SAMD5: variants seen among roughly 807,000 people sequenced by gnomAD.
The protein encoded by SAMD5 is sterile alpha motif domain-containing protein 5.
SAMD5 carries 13 observed loss-of-function variants against 11.3 expected under a neutral mutation model. The observed-to-expected ratio is 1.15, with a 90% CI of 0.75 to 1.83. The LOEUF is 1.83. SAMD5 is among the 40% of genes most tolerant of loss of function. The pLI is 0.00. For missense variants in SAMD5, 255 were observed against 239.1 expected (o/e 1.07, Z -0.44); for synonymous variants, 129 against 111.3 (o/e 1.16, Z -1.00).
chr6:147,947,662 G>T, the SAMD5 span: 1 of 152,140 alleles, frequency 6.6e-6, no homozygotes, highest in Non-Finnish European at 1.5e-5. Flanking sequence ...GTTCAATCTT[G>T]TTCAGATTTT....
rs34624038 is a variant in SAMD5, at chr6:147,730,074, C to CAAAAA, written c.163-7229_163-7225dup. On this transcript the variant is annotated intron_variant, in intron 1 of 1. Coordinates refer to the SAMD5 transcript ENST00000566741. ...TACTCCAGCCTGGGTGACTCTGTCT[C>CAAAAA]AAAAAAAAAAAAAAAAAAGAAAAGA... 3.6e-3 allele frequency: 1,111 copies of CAAAAA among 306,714 alleles called. 1 individual carries two copies. The highest frequency in any genetic ancestry group is 5.7e-3 in the South Asian group (234 of 41,292). 19.0% of individuals were successfully genotyped at this position (306,714 alleles called of 1,614,324 possible).
At chr6:147,858,135 T>C in the SAMD5 span, among the ~76,000 whole-genome samples, 12 of 152,164 alleles carry the variant, frequency 7.9e-5, no homozygotes, top group Admixed American at 7.2e-4. Context: ...TAATCAAGTT[T>C]TGGAGGGGAT....
rs844568 is a variant in SAMD5, at chr6:147,591,295, G to A, written c.162+81908G>A. Among the ~76,000 whole-genome samples, 5 of 151,816 alleles carry A rather than the reference G, an allele frequency of 3.3e-5. No individual in the cohort carries two copies. The East Asian group carries it at 9.7e-4, about 30-fold the overall frequency. On this transcript the variant is annotated intron_variant, in intron 1 of 1. Transcript: ENST00000566741. ...TTCAGTGTATAACTCAAAAGAGGTGGAACTCCAGTGGCATATAAAGCTGCT... is the reference window on the plus strand; with the variant it reads ...TTCAGTGTATAACTCAAAAGAGGTGAAACTCCAGTGGCATATAAAGCTGCT...
Position 147,569,120 on chromosome 6 carries a change from C to T in SAMD5, c.*4664C>T, listed in dbSNP as rs1417565757. The stretch of plus-strand genomic sequence containing the variant: ...TGGTGTGCGCCTGTAATCCCAGCTA[C>T]TAAGGCAGGAGAATGGCTTGAACCC... On this transcript the variant is annotated 3_prime_UTR_variant, in exon 2 of 2. Transcript: ENST00000367474. The T allele has an allele frequency of 5.8e-6, 1 of 172,432 alleles. No homozygotes were observed. Among genetic ancestry groups the T allele is most frequent in the African/African-American group, 2.4e-5 (1 of 41,534 alleles). The allele number at this position is 172,432 out of a possible 1,614,324, so 10.7% of individuals were successfully genotyped here.
intron 1 of SAMD5, among the ~76,000 whole-genome samples, chr6:147,577,795 C>A (rs1046394405): frequency 4.6e-5 from 7 of 151,546 alleles, no homozygotes; most frequent in African/African-American, 1.7e-4. Flanking sequence ...AGGAAAATAG[C>A]CAGGTTTTAT....
At chr6:147,781,776 A>G in the SAMD5 span, among the ~76,000 whole-genome samples, 1,704 of 56,724 alleles carry the variant, frequency 0.03, 32 homozygotes, top group African/African-American at 0.14. Context: ...GTGTGCGCAC[A>G]CACACACACA....
the SAMD5 span, among the ~76,000 whole-genome samples, chr6:147,829,696 A>G: frequency 6.6e-6 from 1 of 152,086 alleles, no homozygotes; most frequent in Non-Finnish European, 1.5e-5. Context: ...AGCTCTTTCC[A>G]GGTGTTCTCC....
chr6:147,555,480 C>T (rs779994370), intron 1 of SAMD5, among the ~76,000 whole-genome samples: 8 of 152,186 alleles, frequency 5.3e-5, no homozygotes, highest in Admixed American at 5.2e-4. Context: ...TTTCAGAAAA[C>T]TTATACTTGC....
At chr6:147,730,182 G>C (rs1202087006) in intron 1 of SAMD5, 2 of 410,124 alleles carry the variant, frequency 4.9e-6, no homozygotes, top group African/African-American at 4.2e-5. Flanking sequence ...AGAGCCTTGG[G>C]GGCATGCCTT....
intron 1 of SAMD5, among the ~76,000 whole-genome samples, chr6:147,727,889 G>A (rs899635756): frequency 1.1e-4 from 16 of 152,180 alleles, no homozygotes; most frequent in African/African-American, 3.9e-4. Flanking sequence ...CATATAATAG[G>A]GAATCAATGC....
At chr6:147,540,739 A>T (rs1337876288) in intron 1 of SAMD5, among the ~76,000 whole-genome samples, 2 of 151,464 alleles carry the variant, frequency 1.3e-5, no homozygotes, top group Non-Finnish European at 1.5e-5. Context: ...GCAGAGAGAC[A>T]AGTAGTGACA....
chr6:147,782,309 C>T, the SAMD5 span, among the ~76,000 whole-genome samples: 1 of 152,170 alleles, frequency 6.6e-6, no homozygotes, highest in East Asian at 1.9e-4. Context: ...GTATTTCATG[C>T]TTAAAAGTTG....
chr6:147,829,405 T>G, the SAMD5 span, among the ~76,000 whole-genome samples: 1 of 152,194 alleles, frequency 6.6e-6, no homozygotes, highest in Non-Finnish European at 1.5e-5. Flanking sequence ...ATGAACTTCA[T>G]GCATGGCGTA....
chr6:147,909,128 G>C, the SAMD5 span, among the ~76,000 whole-genome samples: 1 of 152,208 alleles, frequency 6.6e-6, no homozygotes, highest in Non-Finnish European at 1.5e-5. Context: ...AGGATCACTT[G>C]AGCCTGCGAG....
the SAMD5 span, among the ~76,000 whole-genome samples, chr6:147,905,619 G>A: frequency 6.6e-6 from 1 of 152,052 alleles, no homozygotes; most frequent in African/African-American, 2.4e-5. Context: ...ATGACTTACT[G>A]ATCATATATA....
the SAMD5 span, among the ~76,000 whole-genome samples, chr6:147,788,378 A>G: frequency 1.3e-5 from 2 of 152,208 alleles, no homozygotes; most frequent in African/African-American, 4.8e-5. Context: ...AACATCATAT[A>G]CATGAACTTG....
chr6:147,792,109 C>T, the SAMD5 span, among the ~76,000 whole-genome samples: 1 of 151,890 alleles, frequency 6.6e-6, no homozygotes, highest in Non-Finnish European at 1.5e-5. Context: ...GGGTGGAATG[C>T]AGAATGAGAA....
chr6:147,513,615 C>T (rs1788122238), intron 1 of SAMD5, among the ~76,000 whole-genome samples: 1 of 152,128 alleles, frequency 6.6e-6, no homozygotes, highest in East Asian at 1.9e-4. Context: ...AGCAGGATTT[C>T]AGAGGCGGCC....
At chr6:147,731,108 A>T (rs1297559825) in intron 1 of SAMD5, among the ~76,000 whole-genome samples, 1 of 152,184 alleles carries the variant, frequency 6.6e-6, no homozygotes, top group Non-Finnish European at 1.5e-5. Context: ...CATTTTATAG[A>T]TGAAGAAACT....
Sources: allele counts gnomAD v4.1 joint callset (sites outside exome capture counted in the v4.1 genomes callset), GRCh38; gene constraint gnomAD v4.1.1; transcripts MANE v1.5; gene names NCBI Gene and HGNC (gene_info 2026-07-23, HGNC 2026-07-21).